RAI1: variants seen among roughly 807,000 people sequenced by gnomAD.
RAI1 encodes the protein retinoic acid induced 1, also known as retinoic acid-induced protein 1.
Under a neutral mutation model 123.8 loss-of-function variants are expected in RAI1, and 9 were observed. That is an observed-to-expected ratio of 0.07 (90% CI 0.04 to 0.13). RAI1 has a LOEUF of 0.13. Among genes scored for constraint, RAI1 ranks in the 10% least tolerant of loss-of-function variants. RAI1 has a pLI of 1.00. For missense variants in RAI1, 2,256 were observed against 2,545.8 expected (o/e 0.89, Z 2.45); for synonymous variants, 1,231 against 1,127.3 (o/e 1.09, Z -1.84).
chr17:17,695,935 GCTGGTTGAGAGGCTGTC>G (rs972012520), intron 1 of RAI1, among the ~76,000 whole-genome samples: 3 of 152,228 alleles, frequency 2.0e-5, no homozygotes, highest in Admixed American at 6.5e-5. Flanking sequence ...GAGGCTGTAT[GCTGGTTGAGAGGCTGTC>G]CTCGCGCCTT....
At chr17:17,718,322 T>A (rs533539273) in intron 1 of RAI1, among the ~76,000 whole-genome samples, 151 of 152,288 alleles carry the variant, frequency 9.9e-4, no homozygotes, top group African/African-American at 3.5e-3. Context: ...GTAAGAGAAC[T>A]TGGATCTCTG....
intron 2 of RAI1, among the ~76,000 whole-genome samples, chr17:17,736,234 C>T (rs371686781): frequency 2.0e-5 from 3 of 152,122 alleles, no homozygotes; most frequent in South Asian, 2.1e-4. Context: ...AGACCCCCAC[C>T]GCCTCTGTCC....
chr17:17,699,759 T>A (rs1275347496), intron 1 of RAI1, among the ~76,000 whole-genome samples: 1 of 152,232 alleles, frequency 6.6e-6, no homozygotes, highest in Non-Finnish European at 1.5e-5. Flanking sequence ...AGATGGCTAC[T>A]GTCTGCCGGG....
At position 17,793,162 on chromosome 17, in the gene RAI1, G is replaced by C. The variant is rs370671656; in HGVS notation, c.214G>C (p.Ala72Pro). Reference protein sequence around the residue: ...GAGTPSGTAAAVAADKYHRGS... With the variant: ...GAGTPSGTAAPVAADKYHRGS... ...TGGCACGCCCTCTGGCACTGCAGCCGCGGTGGCCGCCGACAAGTACCACCG... is the reference window on the plus strand; with the variant it reads ...TGGCACGCCCTCTGGCACTGCAGCCCCGGTGGCCGCCGACAAGTACCACCG... Residue 72 changes from alanine to proline, a missense_variant, in exon 3 of 6, where the codon GCG becomes CCG. Physicochemically the swap from Ala to Pro is conservative, Grantham distance 27 (BLOSUM62 -1). This residue lies in a region of RAI1 where 336 missense variants were observed against 349.8 expected (regional missense o/e 0.96). Transcript: ENST00000353383. 6.2e-7 allele frequency: 1 copy of C among 1,613,164 alleles called. No individual in the cohort carries two copies. The highest frequency in any genetic ancestry group is 8.5e-7 in the Non-Finnish European group (1 of 1,179,878).
chr17:17,723,845 A>AC (rs1381104807), intron 1 of RAI1, among the ~76,000 whole-genome samples, 183 bp from the exon 2 acceptor site: 2 of 145,324 alleles, frequency 1.4e-5, no homozygotes, highest in African/African-American at 2.6e-5. Context: ...TTACCTCCTG[A>AC]CCCCCGGCGG....
Position 17,810,373 on chromosome 17 carries a change from C to A in RAI1, c.*392C>A, listed in dbSNP as rs2032715185. On this transcript the variant is annotated 3_prime_UTR_variant, in exon 6 of 6. Coordinates refer to ENST00000353383, the MANE Select transcript of RAI1 (RefSeq NM_030665.4). This position sits in a 1 kb window ranked among gnomAD's most constrained non-coding sequence, Gnocchi z 4.6. ...ATCTCAAGACGACGTGGCACACATT[C>A]CACGTGGGTGCTGCCGCCACCCCAG... 1.4e-5 allele frequency: 4 copies of A among 280,614 alleles called. No homozygotes were observed. Among genetic ancestry groups the A allele is most frequent in the South Asian group, 1.0e-4 (2 of 20,044 alleles). 17.4% of individuals were successfully genotyped at this position (280,614 alleles called of 1,614,324 possible).
intron 1 of RAI1, among the ~76,000 whole-genome samples, chr17:17,694,857 C>G (rs1259311278): frequency 2.6e-5 from 4 of 151,774 alleles, no homozygotes; most frequent in Non-Finnish European, 4.4e-5. Context: ...GCCCCGCCCC[C>G]TGGCGGATCC....
rs771668748 is a variant in RAI1, at chr17:17,803,853, C to T, written c.5659+4C>T. ...TACCCGTGTGCCAGCGATGCAGGTA[C>T]GAGCCCGCCCAGGAACAGGAGGGCA... On this transcript the variant is annotated splice_donor_region_variant and intron_variant, in intron 4 of 5. Transcript: ENST00000353383. 21 of 1,612,538 alleles carry T rather than the reference C, an allele frequency of 1.3e-5. No individual in the cohort carries two copies. Among genetic ancestry groups the T allele is most frequent in the Middle Eastern group, 3.3e-4 (2 of 6,080 alleles).
At chr17:17,773,943 T>C (rs1363745554) in intron 2 of RAI1, among the ~76,000 whole-genome samples, 1 of 152,148 alleles carries the variant, frequency 6.6e-6, no homozygotes, top group Non-Finnish European at 1.5e-5. Context: ...TATTTATATA[T>C]AATTTATTTA....
At position 17,794,957 on chromosome 17, in the gene RAI1, C is replaced by T. The variant is rs1448730833; in HGVS notation, c.2009C>T (p.Ser670Phe). The T allele has an allele frequency of 3.1e-6, 5 of 1,613,662 alleles. No homozygotes were observed. Among genetic ancestry groups the T allele is most frequent in the Non-Finnish European group, 4.2e-6 (5 of 1,180,036 alleles). Residue 670 changes from serine (S) to phenylalanine (F), a missense_variant, in exon 3 of 6, where the codon TCC becomes TTC. By Grantham distance (155) the Ser-to-Phe change is radical. This residue lies in a region of RAI1 where 566 missense variants were observed against 616.0 expected (regional missense o/e 0.92). Coordinates refer to ENST00000353383, the MANE Select transcript of RAI1 (RefSeq NM_030665.4). ...RPGEPEALPDSLQLDKGGNAK... is the reference protein window; with the variant it reads ...RPGEPEALPDFLQLDKGGNAK... ...GGGGAGCCGGAGGCCCTGCCCGACT[C>T]CTTGCAGCTGGACAAGGGCGGCAAT...
chr17:17,808,166 A>C (rs2032631714), intron 4 of RAI1, among the ~76,000 whole-genome samples: 1 of 151,762 alleles, frequency 6.6e-6, no homozygotes, highest in African/African-American at 2.4e-5. Context: ...AGGGGACTAG[A>C]GACTGGGGGG....
chr17:17,724,838 C>T (rs188127324), intron 2 of RAI1, among the ~76,000 whole-genome samples: 5 of 152,274 alleles, frequency 3.3e-5, no homozygotes, highest in African/African-American at 9.6e-5. Flanking sequence ...CGGCGGCTTC[C>T]GGATCTGGAC....
chr17:17,735,351 GC>G (rs1258495692), intron 2 of RAI1, among the ~76,000 whole-genome samples: 11 of 145,034 alleles, frequency 7.6e-5, no homozygotes, highest in African/African-American at 2.8e-4. Flanking sequence ...ACAATGCCCA[GC>G]CTTTTTTTTT....
At chr17:17,686,092 G>A (rs1192158762) in intron 1 of RAI1, among the ~76,000 whole-genome samples, 1 of 152,246 alleles carries the variant, frequency 6.6e-6, no homozygotes, top group East Asian at 1.9e-4. Flanking sequence ...GAAGCATCGA[G>A]GCCTGAAAGC....
At chr17:17,722,737 C>T (rs781133325) in intron 1 of RAI1, among the ~76,000 whole-genome samples, 106 of 152,230 alleles carry the variant, frequency 7.0e-4, no homozygotes, top group Non-Finnish European at 1.2e-3. Context: ...TCCCCCAAAC[C>T]CTGTGCTTCT....
intron 2 of RAI1, among the ~76,000 whole-genome samples, chr17:17,790,481 A>G (rs2031972960): frequency 6.6e-6 from 1 of 152,192 alleles, no homozygotes; most frequent in Non-Finnish European, 1.5e-5. Flanking sequence ...AAATTAAAAG[A>G]CACAGCAGCT....
chr17:17,737,169 G>C (rs1916457939), intron 2 of RAI1, among the ~76,000 whole-genome samples: 1 of 152,222 alleles, frequency 6.6e-6, no homozygotes, highest in Non-Finnish European at 1.5e-5. Context: ...TCTCAGAGAA[G>C]GGACATTTTT....
rs1024750943 is a variant in RAI1 at position 17,779,188 on chromosome 17, C to T, written c.-16-13745C>T. 8.8e-5 allele frequency: 30 copies of T among 339,264 alleles called. 1 individual carries two copies. The highest frequency in any genetic ancestry group is 6.8e-4 in the Admixed American group (17 of 25,092). The allele number at this position is 339,264 out of a possible 1,614,324, so 21.0% of individuals were successfully genotyped here. A position where few individuals can be genotyped will look rare whatever the true frequency, so the allele number is the denominator to read the frequency against. On this transcript the variant is annotated intron_variant, in intron 2 of 5. Coordinates refer to ENST00000353383, the MANE Select transcript of RAI1 (RefSeq NM_030665.4). ...ATTTTCCGTGGTGAGGAAAGCCTCC[C>T]GGGTGGCCCCAGGCCTGCCTCTGGA...
At chr17:17,725,470 A>G (rs940057272) in intron 2 of RAI1, among the ~76,000 whole-genome samples, 1 of 152,104 alleles carries the variant, frequency 6.6e-6, no homozygotes, top group Admixed American at 6.5e-5. Context: ...CATTGAGGCC[A>G]TGGGAAGGGA....
Sources: allele counts gnomAD v4.1 joint callset (sites outside exome capture counted in the v4.1 genomes callset), GRCh38; gene constraint gnomAD v4.1.1; regional missense constraint gnomAD v4.1.1; non-coding constraint Gnocchi (gnomAD v3.1); transcripts MANE v1.5; gene names NCBI Gene and HGNC (gene_info 2026-07-23, HGNC 2026-07-21).